The following RAB39A variants were observed in gnomAD, a reference collection of about 807,000 sequenced individuals.
RAB39A encodes ras-related protein Rab-39A.
RAB39A carries 17 observed loss-of-function variants against 20.9 expected under a neutral mutation model. The observed-to-expected ratio is 0.81, with a 90% CI of 0.56 to 1.22. RAB39A has a LOEUF of 1.22. Among genes scored for constraint, RAB39A ranks in the 50% most tolerant of loss-of-function variants. The pLI is 0.00. For missense variants in RAB39A, 234 were observed against 270.5 expected (o/e 0.87, Z 0.95); for synonymous variants, 99 against 103.4 (o/e 0.96, Z 0.26).
chr11:107,935,000 C>T (rs1292052602), intron 1 of RAB39A, among the ~76,000 whole-genome samples: 1 of 152,008 alleles, frequency 6.6e-6, no homozygotes, highest in East Asian at 1.9e-4. Context: ...TGGGAGCAGC[C>T]CCTAACTATT....
intron 1 of RAB39A, among the ~76,000 whole-genome samples, chr11:107,942,054 G>C (rs146841096): frequency 0.011 from 1,454 of 128,992 alleles, 16 homozygotes; most frequent in Middle Eastern, 0.059. Flanking sequence ...AGCCAAGATC[G>C]TACCACTGCT....
chr11:107,939,415 G>A (rs1167580956), intron 1 of RAB39A, among the ~76,000 whole-genome samples: 1 of 150,392 alleles, frequency 6.6e-6, no homozygotes, highest in Admixed American at 6.6e-5. Flanking sequence ...GACCATCCTG[G>A]CTAACACAGT....
intron 1 of RAB39A, among the ~76,000 whole-genome samples, chr11:107,952,090 TCAAA>T (rs1283626703): frequency 6.6e-6 from 1 of 152,182 alleles, no homozygotes; most frequent in Non-Finnish European, 1.5e-5. Flanking sequence ...GAGAGGAAAA[TCAAA>T]CAGTTAATAA....
At chr11:107,949,276 C>T (rs1861349930) in intron 1 of RAB39A, among the ~76,000 whole-genome samples, 1 of 151,888 alleles carries the variant, frequency 6.6e-6, no homozygotes, top group Non-Finnish European at 1.5e-5. Context: ...CGCCACTGTA[C>T]TCCAGCCTGG....
At chr11:107,944,533 C>T (rs181356043) in intron 1 of RAB39A, among the ~76,000 whole-genome samples, 117 of 152,036 alleles carry the variant, frequency 7.7e-4, no homozygotes, top group Non-Finnish European at 1.4e-3. Flanking sequence ...ATTACAGGTG[C>T]GTGCCACCAT....
chr11:107,953,847 C>T (rs1043368241), intron 1 of RAB39A, among the ~76,000 whole-genome samples: 4 of 152,132 alleles, frequency 2.6e-5, no homozygotes, highest in African/African-American at 9.7e-5. Flanking sequence ...GGTGTCATCT[C>T]CTGGAAATGG....
chr11:107,931,745 A>G (rs1242233654), intron 1 of RAB39A, among the ~76,000 whole-genome samples: 1 of 152,182 alleles, frequency 6.6e-6, no homozygotes, highest in Non-Finnish European at 1.5e-5. Flanking sequence ...TAAACTGACA[A>G]AAAGGAACCT....
At chr11:107,954,860 A>G (rs548994453) in intron 1 of RAB39A, among the ~76,000 whole-genome samples, 1 of 152,212 alleles carries the variant, frequency 6.6e-6, no homozygotes, top group Admixed American at 6.5e-5. Context: ...CACCCAGCTT[A>G]TGATAGACAT....
At chr11:107,947,483 A>G (rs1003933688) in intron 1 of RAB39A, among the ~76,000 whole-genome samples, 1 of 152,208 alleles carries the variant, frequency 6.6e-6, no homozygotes, top group Admixed American at 6.6e-5. Context: ...TTCCAGAAAG[A>G]TAGAAGAGAA....
At chr11:107,934,482 T>A (rs1244121567) in intron 1 of RAB39A, among the ~76,000 whole-genome samples, 1 of 152,090 alleles carries the variant, frequency 6.6e-6, no homozygotes, top group Non-Finnish European at 1.5e-5. Flanking sequence ...CTAAGGAGTA[T>A]AATTTGGGAA....
At chr11:107,960,768 A>T (rs1336395232) in intron 1 of RAB39A, among the ~76,000 whole-genome samples, 1 of 152,158 alleles carries the variant, frequency 6.6e-6, no homozygotes, top group Non-Finnish European at 1.5e-5. Context: ...GCCATGGGAG[A>T]GGGTCCACCC....
At chr11:107,946,426 GTGTGTGTGTGTATATA>G (rs1487511528) in intron 1 of RAB39A, among the ~76,000 whole-genome samples, 419 of 21,416 alleles carry the variant, frequency 0.02, 1 homozygote, top group Middle Eastern at 0.048. Flanking sequence ...GTGTGTGTGT[GTGTGTGTGTGTATATA>G]TATATATATA....
At chr11:107,941,973 C>T (rs1029888135) in intron 1 of RAB39A, among the ~76,000 whole-genome samples, 8 of 151,890 alleles carry the variant, frequency 5.3e-5, no homozygotes, top group African/African-American at 1.9e-4. Flanking sequence ...ATGGCAGACA[C>T]CTGTAATCCC....
chr11:107,960,103 G>T (rs1861480336), intron 1 of RAB39A, among the ~76,000 whole-genome samples: 1 of 151,972 alleles, frequency 6.6e-6, no homozygotes, highest in South Asian at 2.1e-4. Context: ...CCAGCTACTT[G>T]GGAGGCCAAG....
chr11:107,936,986 G>A (rs1431897868), intron 1 of RAB39A, among the ~76,000 whole-genome samples: 2 of 151,678 alleles, frequency 1.3e-5, no homozygotes, highest in Non-Finnish European at 2.9e-5. Context: ...TAATTGCATA[G>A]GTAACAGAGC....
chr11:107,961,889 A>G lies in RAB39A; in HGVS notation c.228-57A>G. On this transcript the variant is annotated intron_variant, in intron 1 of 1. Transcript: ENST00000320578. Reference sequence around the variant, plus strand: ...GTTATTATGGTGCTAGATTGTTGGAAGGAGAAGAAAAAGAACAAGTTGTCC... The same window carrying G: ...GTTATTATGGTGCTAGATTGTTGGAGGGAGAAGAAAAAGAACAAGTTGTCC... 4 of 1,320,374 alleles carry G rather than the reference A, an allele frequency of 3.0e-6. No homozygotes were observed. In the South Asian group the frequency reaches 5.6e-5, roughly 19 times the overall value. 81.8% of individuals were successfully genotyped at this position (1,320,374 alleles called of 1,614,324 possible).
At chr11:107,930,019 T>C (rs1490431508) in intron 1 of RAB39A, among the ~76,000 whole-genome samples, 1 of 152,188 alleles carries the variant, frequency 6.6e-6, no homozygotes, top group Non-Finnish European at 1.5e-5. Context: ...GAGATCAGCC[T>C]ACATCTGTGA....
intron 1 of RAB39A, among the ~76,000 whole-genome samples, chr11:107,953,526 A>T (rs1400040042): frequency 6.6e-6 from 1 of 152,164 alleles, no homozygotes; most frequent in East Asian, 1.9e-4. Context: ...CCCTGCCATA[A>T]GAAGCTCCAA....
chr11:107,950,192 A>AG (rs1565465388), intron 1 of RAB39A, among the ~76,000 whole-genome samples: 1 of 150,478 alleles, frequency 6.6e-6, no homozygotes, highest in Non-Finnish European at 1.5e-5. Context: ...AAAAAAAAAA[A>AG]GAAAGAAAAT....
Sources: gnomAD v4.1 joint callset for allele counts (sites outside exome capture counted in the v4.1 genomes callset) on GRCh38, gnomAD v4.1.1 for gene constraint, MANE v1.5 for transcripts, NCBI Gene and HGNC (gene_info 2026-07-23, HGNC 2026-07-21) for gene names.